GRK3: variants seen among roughly 807,000 people sequenced by gnomAD.
GRK3 encodes the protein adrenergic, beta, receptor kinase 2.
In GRK3, 54 loss-of-function variants were observed where a neutral mutation model predicts 95.7. That is an observed-to-expected ratio of 0.56 (90% confidence interval 0.45 to 0.71). GRK3 has a LOEUF of 0.71. GRK3 is among the 30% of genes least tolerant of loss of function. The pLI is 0.00. For synonymous variants in GRK3, 281 were observed against 290.8 expected, an observed-to-expected ratio of 0.97 and a Z score of 0.34; for missense variants, 649 against 851.2, an observed-to-expected ratio of 0.76 and a Z score of 2.96.
intron 15 of GRK3, among the ~76,000 whole-genome samples, chr22:25,706,440 G>C (rs2085300538): frequency 6.6e-6 from 1 of 152,224 alleles, no homozygotes; most frequent in African/African-American, 2.4e-5. Flanking sequence ...TTTGCTGTCA[G>C]TCACTGCCCC....
intron 2 of GRK3, among the ~76,000 whole-genome samples, chr22:25,620,851 C>A (rs2084579703): frequency 1.3e-5 from 2 of 152,108 alleles, no homozygotes; most frequent in Admixed American, 1.3e-4. Flanking sequence ...TATACAGAGT[C>A]CAAATATCAA....
At chr22:25,649,253 A>G (rs2084810596) in intron 3 of GRK3, 5 of 1,112,298 alleles carry the variant, frequency 4.5e-6, no homozygotes, top group Non-Finnish European at 5.5e-6. Flanking sequence ...AGCCTATTTT[A>G]TATGCTCACA....
intron 1 of GRK3, among the ~76,000 whole-genome samples, chr22:25,601,600 A>G (rs1471193242): frequency 6.6e-6 from 1 of 152,206 alleles, no homozygotes; most frequent in East Asian, 1.9e-4. Flanking sequence ...AAAAGAAGCA[A>G]TGAAGACAAT....
chr22:25,647,576 G>C (rs1246684007), intron 3 of GRK3: 3 of 1,558,818 alleles, frequency 1.9e-6, no homozygotes, highest in Non-Finnish European at 2.7e-6. Flanking sequence ...TATGAAGCTA[G>C]AACTACAGAA....
intron 12 of GRK3, among the ~76,000 whole-genome samples, chr22:25,693,245 C>T (rs1004619150): frequency 6.6e-6 from 1 of 152,172 alleles, no homozygotes; most frequent in South Asian, 2.1e-4. Flanking sequence ...TAGCAGAATG[C>T]GTCAGGAAGC....
chr22:25,631,842 G>A (rs2084666317), intron 2 of GRK3, among the ~76,000 whole-genome samples: 1 of 152,132 alleles, frequency 6.6e-6, no homozygotes, highest in Non-Finnish European at 1.5e-5. Flanking sequence ...CACTTAGCAT[G>A]TAACCTTTTG....
chr22:25,622,151 T>G (rs2084590711), intron 2 of GRK3, among the ~76,000 whole-genome samples: 1 of 152,162 alleles, frequency 6.6e-6, no homozygotes, highest in African/African-American at 2.4e-5. Context: ...ATGTTAGGCC[T>G]AAGTGAAACC....
intron 5 of GRK3, among the ~76,000 whole-genome samples, chr22:25,666,124 C>A (rs1034386089): frequency 8.5e-5 from 13 of 152,302 alleles, no homozygotes; most frequent in African/African-American, 2.4e-4. Context: ...CTTAGCAAGC[C>A]TGTTGCGGTT....
At chr22:25,714,315 G>C (rs983041466) in intron 17 of GRK3, 93 bp from the exon 18 acceptor site, 9 of 1,068,430 alleles carry the variant, frequency 8.4e-6, no homozygotes, top group Non-Finnish European at 1.1e-5. Flanking sequence ...CCTATATAGA[G>C]TTATGATAGA....
Position 25,640,569 on chromosome 22 carries a change from C to T in GRK3, c.191-4023C>T, listed in dbSNP as rs571825402. The stretch of plus-strand genomic sequence containing the variant: ...TACTGTCTTAATCTCCTTGGCAAAA[C>T]TGAGGACAAGTATTTTTTCTTGCAA... On this transcript the variant is annotated intron_variant, in intron 2 of 20. Coordinates refer to ENST00000324198, the MANE Select transcript of GRK3 (RefSeq NM_005160.4). Among the ~76,000 whole-genome samples, 3 of 152,320 alleles carry T rather than the reference C, an allele frequency of 2.0e-5. No individual in the cohort carries two copies. The East Asian group carries it at 5.8e-4, about 29-fold the overall frequency.
chr22:25,574,388 A>T (rs1012267585), intron 1 of GRK3, among the ~76,000 whole-genome samples: 14 of 152,178 alleles, frequency 9.2e-5, no homozygotes, highest in Admixed American at 8.5e-4. Context: ...GCTACTCAGG[A>T]AGCTGAGGTG....
intron 1 of GRK3, 143 bp from the exon 2 acceptor site, chr22:25,604,234 G>A (rs1273692265): frequency 3.7e-6 from 2 of 533,366 alleles, no homozygotes; most frequent in African/African-American, 2.0e-5. Context: ...CTTTTAGGCT[G>A]GTCTGCATTT....
chr22:25,581,308 A>T (rs1477306341), intron 1 of GRK3: 1 of 152,236 alleles, frequency 6.6e-6, no homozygotes, highest in Non-Finnish European at 1.5e-5. Context: ...TGTGAATATC[A>T]CAACTGTGTC....
chr22:25,704,259 G>C, intron 15 of GRK3, 50 bp downstream of exon 15: 1 of 1,407,606 alleles, frequency 7.1e-7, no homozygotes, highest in Non-Finnish European at 1.0e-6. Context: ...GAGCAAAATA[G>C]TGATTTTAAA....
chr22:25,687,608 G>A lies in GRK3; in HGVS notation c.898G>A (p.Glu300Lys). 1 of 1,614,176 alleles carries A rather than the reference G, an allele frequency of 6.2e-7. No individual in the cohort carries two copies. Among genetic ancestry groups the A allele is most frequent in the South Asian group, 1.1e-5 (1 of 91,080 alleles). ...GAAGGAGATGCGGTTTTATGCCACT[G>A]AAATCATTCTGGGTCTGGAACACAT... is the stretch of plus-strand genomic sequence containing the variant. The part of the protein sequence containing the change: ...SEKEMRFYAT[E>K]IILGLEHMHN... The change falls in exon 11 of 21, where the codon GAA becomes AAA. Residue 300 changes from glutamate (E) to lysine (K), a missense_variant. Glu to Lys is a moderately conservative substitution (Grantham distance 56). Coordinates refer to ENST00000324198, the MANE Select transcript of GRK3 (RefSeq NM_005160.4).
chr22:25,676,268 A>G (rs554323987), intron 8 of GRK3, among the ~76,000 whole-genome samples: 2 of 152,210 alleles, frequency 1.3e-5, no homozygotes, highest in African/African-American at 4.8e-5. Flanking sequence ...CTTATTCTGT[A>G]CTTGCACAGT....
In GRK3 at chr22:25,703,590, A is replaced by G; in HGVS notation, c.1227+14A>G. The stretch of plus-strand genomic sequence containing the variant: ...ACACTCACCGTGGTAAGGGGATTCA[A>G]AACTGTATTCTTGTCTGTATGGTAA... On this transcript the variant is annotated intron_variant, in intron 14 of 20. Transcript: ENST00000324198. 1 of 1,590,078 alleles carries G rather than the reference A, an allele frequency of 6.3e-7. No homozygotes were observed. Among genetic ancestry groups the G allele is most frequent in the Non-Finnish European group, 8.6e-7 (1 of 1,158,466 alleles).
chr22:25,704,335 AT>A (rs759912342), intron 15 of GRK3, 126 bp downstream of exon 15: 4 of 646,678 alleles, frequency 6.2e-6, no homozygotes, highest in African/African-American at 1.8e-5. Flanking sequence ...GGGGAAAAAA[AT>A]AAATCACATG....
At position 25,709,913 on chromosome 22, in the gene GRK3, AG is replaced by A; in HGVS notation, c.1345del (p.Glu449SerfsTer22). On this transcript the variant is annotated frameshift_variant, in exon 16 of 21. Transcript: ENST00000324198. LOFTEE classifies it high-confidence loss of function. The part of the protein sequence containing the change: ...CHGGGSQEVK[E>X]HSFFKGVDWQ... ...TCTCCTCCAGCTCACAGGAAGTAAA[AG>A]AGCACAGCTTTTTCAAAGGTGTTGA... 6.2e-7 allele frequency: 1 copy of A among 1,613,886 alleles called. No homozygotes were observed. Among genetic ancestry groups the A allele is most frequent in the East Asian group, 2.2e-5 (1 of 44,884 alleles).
Sources: gnomAD v4.1 joint callset for allele counts (sites outside exome capture counted in the v4.1 genomes callset) on GRCh38, gnomAD v4.1.1 for gene constraint, MANE v1.5 for transcripts, NCBI Gene and HGNC (gene_info 2026-07-23, HGNC 2026-07-21) for gene names.